Variants in PAPPA observed in about 807,000 individuals in gnomAD.
The protein encoded by PAPPA is pappalysin 1.
Under a neutral mutation model 164.0 loss-of-function variants are expected in PAPPA, and 60 were observed. The ratio of observed to expected loss-of-function variants is 0.37; its 90% CI spans 0.30 to 0.45. PAPPA has a LOEUF of 0.45. Among genes scored for constraint, PAPPA ranks in the 20% least tolerant of loss-of-function variants. PAPPA has a pLI of 1.00. For missense variants in PAPPA, 1,782 were observed against 2,087.3 expected, an observed-to-expected ratio of 0.85 and a Z score of 2.85; for synonymous variants, 875 against 814.1, an observed-to-expected ratio of 1.07 and a Z score of -1.27.
chr9:116,167,651 T>G (rs911409248), intron 1 of PAPPA, among the ~76,000 whole-genome samples: 1 of 152,022 alleles, frequency 6.6e-6, no homozygotes, highest in African/African-American at 2.4e-5. Flanking sequence ...CCATGCTGAG[T>G]GAATATGGGG....
chr9:116,166,134 A>G (rs985791930), intron 1 of PAPPA, among the ~76,000 whole-genome samples: 3 of 152,232 alleles, frequency 2.0e-5, no homozygotes, highest in East Asian at 3.9e-4. Flanking sequence ...TAGCATGTGC[A>G]TCACTGTCAG....
intron 13 of PAPPA, among the ~76,000 whole-genome samples, chr9:116,335,879 A>G (rs374807438): frequency 6.6e-6 from 1 of 152,316 alleles, no homozygotes; most frequent in South Asian, 2.1e-4. Context: ...ACTATAGATA[A>G]AAGTATTCCT....
At chr9:116,369,942 G>A (rs755936259) in intron 19 of PAPPA, among the ~76,000 whole-genome samples, 16 of 152,176 alleles carry the variant, frequency 1.1e-4, no homozygotes, top group Non-Finnish European at 1.8e-4. Flanking sequence ...GAAGGGCAGA[G>A]ATTGATGATT....
intron 4 of PAPPA, 91 bp downstream of exon 4, chr9:116,212,023 C>G (rs948597472): frequency 1.7e-6 from 2 of 1,147,730 alleles, no homozygotes; most frequent in East Asian, 4.7e-5. Flanking sequence ...AAGCTACTTA[C>G]CATTTCTAAG....
intron 10 of PAPPA, 41 bp from the exon 11 acceptor site, chr9:116,331,203 A>G: frequency 8.0e-7 from 1 of 1,242,910 alleles, no homozygotes; most frequent in Non-Finnish European, 1.2e-6. Context: ...AACTTCTGAC[A>G]CTCTCTAAAA....
At chr9:116,222,635 C>CA (rs2118711843) in intron 5 of PAPPA, among the ~76,000 whole-genome samples, 1 of 151,972 alleles carries the variant, frequency 6.6e-6, no homozygotes, top group East Asian at 1.9e-4. Flanking sequence ...TATGTGGAAT[C>CA]TAAAAAAAAT....
intron 9 of PAPPA, among the ~76,000 whole-genome samples, chr9:116,285,081 G>T (rs1845316169): frequency 6.7e-6 from 1 of 150,160 alleles, no homozygotes; most frequent in East Asian, 2.0e-4. Context: ...TCCTTACTGT[G>T]TCATTTAAGA....
rs975258227 is a variant in PAPPA, at chr9:116,353,545, G to A, written c.4176-77G>A. On this transcript the variant is annotated intron_variant, in intron 16 of 21. Coordinates refer to ENST00000328252, the MANE Select transcript of PAPPA (RefSeq NM_002581.5). Reference sequence around the variant, plus strand: ...CTAGGAAATAGGAAATGGGGGCCCAGCTGGTGGTGTTCATGCAGGGCATGG... The same window carrying A: ...CTAGGAAATAGGAAATGGGGGCCCAACTGGTGGTGTTCATGCAGGGCATGG... The A allele has an allele frequency of 2.3e-6, 3 of 1,322,142 alleles. No homozygotes were observed. The Admixed American group carries it at 5.9e-5, about 26-fold the overall frequency. The allele number at this position is 1,322,142 out of a possible 1,614,324, so 81.9% of individuals were successfully genotyped here. A position where few individuals can be genotyped will look rare whatever the true frequency, so the allele number is the denominator to read the frequency against.
intron 7 of PAPPA, among the ~76,000 whole-genome samples, chr9:116,247,940 C>G (rs934584131): frequency 2.0e-5 from 3 of 152,122 alleles, no homozygotes; most frequent in African/African-American, 7.2e-5. Flanking sequence ...TCCATATAGT[C>G]TAACAAGGAG....
At chr9:116,245,626 A>G (rs1271257948) in intron 7 of PAPPA, among the ~76,000 whole-genome samples, 1 of 152,178 alleles carries the variant, frequency 6.6e-6, no homozygotes, top group East Asian at 1.9e-4. Flanking sequence ...TGATTCTCCA[A>G]CTTCTGGTTT....
At chr9:116,311,632 C>A (rs190020338) in intron 10 of PAPPA, among the ~76,000 whole-genome samples, 1 of 152,142 alleles carries the variant, frequency 6.6e-6, no homozygotes, top group Admixed American at 6.5e-5. Flanking sequence ...TGATGCCTGG[C>A]GAATGATTTC....
At chr9:116,282,564 G>A (rs1845280522) in intron 9 of PAPPA, among the ~76,000 whole-genome samples, 1 of 152,114 alleles carries the variant, frequency 6.6e-6, no homozygotes, top group Non-Finnish European at 1.5e-5. Flanking sequence ...AATGCTATGA[G>A]GTAGTTTTAA....
At chr9:116,345,817 G>A (rs1191590062) in intron 14 of PAPPA, among the ~76,000 whole-genome samples, 51 of 152,220 alleles carry the variant, frequency 3.4e-4, no homozygotes, top group Non-Finnish European at 2.9e-5. Context: ...TCAGCAAGAT[G>A]GTGCTGTAAT....
At chr9:116,377,985 C>T (rs1846677905) in intron 20 of PAPPA, among the ~76,000 whole-genome samples, 1 of 152,092 alleles carries the variant, frequency 6.6e-6, no homozygotes, top group Non-Finnish European at 1.5e-5. Flanking sequence ...CTAGAATATG[C>T]TAATGTTGGA....
intron 17 of PAPPA, among the ~76,000 whole-genome samples, chr9:116,360,949 G>A (rs989822650): frequency 2.0e-5 from 3 of 152,204 alleles, no homozygotes; most frequent in African/African-American, 7.2e-5. Context: ...AGGAGAGCAG[G>A]ATGGGTTGTG....
At chr9:116,170,183 T>C (rs1020885003) in intron 1 of PAPPA, among the ~76,000 whole-genome samples, 2 of 152,124 alleles carry the variant, frequency 1.3e-5, no homozygotes, top group African/African-American at 2.4e-5. Flanking sequence ...ACTGGGGGCA[T>C]ACCAGGTCAT....
At chr9:116,167,288 A>C (rs918634733) in intron 1 of PAPPA, among the ~76,000 whole-genome samples, 1 of 152,212 alleles carries the variant, frequency 6.6e-6, no homozygotes, top group African/African-American at 2.4e-5. Flanking sequence ...TATACTTTGA[A>C]TCATTTCTTG....
In PAPPA at chr9:116,170,867, C is replaced by T. The variant is rs377220743; in HGVS notation, c.415+16280C>T. On this transcript the variant is annotated intron_variant, in intron 1 of 21. Transcript: ENST00000328252. The stretch of plus-strand genomic sequence containing the variant: ...GAGGTTCCAATTCTTGTTTTTATGC[C>T]GCTGTGAGTTCTTAAAAAAAAAAAA... Among the ~76,000 whole-genome samples, 234 of 134,746 alleles carry T rather than the reference C, an allele frequency of 1.7e-3. 2 individuals carry two copies. In the South Asian group the frequency reaches 0.047, roughly 27 times the overall value. The allele number at this position is 134,746 out of a possible 152,430, so 88.4% of individuals were successfully genotyped here. A position where few individuals can be genotyped will look rare whatever the true frequency, so the allele number is the denominator to read the frequency against.
In PAPPA at chr9:116,398,904, G is replaced by A; in HGVS notation, c.*2288G>A. 1 of 355,384 alleles carries A rather than the reference G, an allele frequency of 2.8e-6. No individual in the cohort carries two copies. Among genetic ancestry groups the A allele is most frequent in the Non-Finnish European group, 5.5e-6 (1 of 181,300 alleles). 22.0% of individuals were successfully genotyped at this position (355,384 alleles called of 1,614,324 possible). ...CCCTCTCCAGTATCTTCACACTCTTGTCAACTCTCCAGGCCTCTCTCTTGC... is the reference window on the plus strand; with the variant it reads ...CCCTCTCCAGTATCTTCACACTCTTATCAACTCTCCAGGCCTCTCTCTTGC... On this transcript the variant is annotated 3_prime_UTR_variant, in exon 22 of 22. Coordinates refer to ENST00000328252, the MANE Select transcript of PAPPA (RefSeq NM_002581.5).
Sources: gnomAD v4.1 joint callset for allele counts (sites outside exome capture counted in the v4.1 genomes callset) on GRCh38, gnomAD v4.1.1 for gene constraint, MANE v1.5 for transcripts, NCBI Gene and HGNC (gene_info 2026-07-23, HGNC 2026-07-21) for gene names.